POSTN: variants seen among roughly 807,000 people sequenced by gnomAD.
POSTN encodes osteoblast specific factor 2 (fasciclin I-like).
Under a neutral mutation model 104.5 loss-of-function variants are expected in POSTN, and 71 were observed. That is an observed-to-expected ratio of 0.68 (90% CI 0.56 to 0.83). The LOEUF (loss-of-function observed/expected upper bound fraction) is 0.83. Among genes scored for constraint, POSTN ranks in the 40% least tolerant of loss-of-function variants. The pLI, the probability that POSTN is intolerant of heterozygous loss-of-function variation, is 0.00. For missense variants in POSTN, 949 were observed against 1,006.8 expected (o/e 0.94, Z 0.78); for synonymous variants, 355 against 340.7 (o/e 1.04, Z -0.46).
chr13:37,568,975 CTTGT>C (rs1358315445), intron 21 of POSTN: 2 of 172,044 alleles, frequency 1.2e-5, no homozygotes, highest in African/African-American at 4.7e-5. Context: ...CAAATTTGGG[CTTGT>C]TTAACAGCTA....
At chr13:37,575,248 T>A (rs971389586) in intron 16 of POSTN, among the ~76,000 whole-genome samples, 1 of 151,874 alleles carries the variant, frequency 6.6e-6, no homozygotes, top group African/African-American at 2.4e-5. Flanking sequence ...GGCTAAAATG[T>A]CTTTAATTTT....
rs1949969094 is a variant in POSTN at position 37,562,768 on chromosome 13, CAAGAA to C, written c.*560_*564del. ...GTTTGAGATTAAAAAATATGCATTGCAAGAAGCATATGACAAACATTCTGAGAGTA... is the reference window on the plus strand; with the variant it reads ...GTTTGAGATTAAAAAATATGCATTGCGCATATGACAAACATTCTGAGAGTA... On this transcript the variant is annotated 3_prime_UTR_variant, in exon 23 of 23. Transcript: ENST00000379747. 6.6e-6 allele frequency: 1 copy of C among 151,974 alleles called. No individual in the cohort carries two copies. The allele number at this position is 151,974 out of a possible 1,614,324, so 9.4% of individuals were successfully genotyped here. A position where few individuals can be genotyped will look rare whatever the true frequency, so the allele number is the denominator to read the frequency against.
In POSTN at chr13:37,587,824, C is replaced by CA. The variant is rs751758544; in HGVS notation, c.603dup (p.Gly202TrpfsTer6). 1 of 1,582,600 alleles carries CA rather than the reference C, an allele frequency of 6.3e-7. No homozygotes were observed. On this transcript the variant is annotated frameshift_variant, in exon 5 of 23. Coordinates refer to ENST00000379747, the MANE Select transcript of POSTN (RefSeq NM_006475.3). LOFTEE classifies it high-confidence loss of function. ...TACTTTTTACTGATAAAACTTACCC[C>CA]ATTAGGATAATGGTTAATGAAAAGC...
intron 12 of POSTN, 83 bp from the exon 13 acceptor site, chr13:37,579,442 A>C: frequency 8.9e-7 from 1 of 1,119,044 alleles, no homozygotes; most frequent in African/African-American, 1.6e-5. Flanking sequence ...ATTAGTCTTT[A>C]TCTTTTTCCA....
Position 37,592,459 on chromosome 13 carries a change from T to C in POSTN, c.219-295A>G, listed in dbSNP as rs1334384412. Among the ~76,000 whole-genome samples, 9 of 152,042 alleles carry C rather than the reference T, an allele frequency of 5.9e-5. No homozygotes were observed. The South Asian group carries it at 6.2e-4, about 11-fold the overall frequency. ...GACTACAGGCGCCTACCACCACGCC[T>C]GGCTAATTTTTTGTATTTTTAGTAG... On this transcript the variant is annotated intron_variant, in intron 2 of 22. Coordinates refer to ENST00000379747, the MANE Select transcript of POSTN (RefSeq NM_006475.3).
chr13:37,590,588 A>G (rs1436547492), intron 3 of POSTN, 59 bp from the exon 4 acceptor site: 2 of 1,385,736 alleles, frequency 1.4e-6, no homozygotes, highest in Non-Finnish European at 9.7e-7. Flanking sequence ...TATTATTCAT[A>G]ATCATTTAAA....
intron 22 of POSTN, among the ~76,000 whole-genome samples, chr13:37,564,187 T>TTAC (rs1194514252): frequency 0.017 from 969 of 58,502 alleles, 3 homozygotes; most frequent in African/African-American, 0.021. Context: ...ATTACATATA[T>TTAC]ATATATATAT....
rs984770409 is a variant in POSTN at position 37,586,915 on chromosome 13, T to G, written c.620A>C (p.Asn207Thr). The change falls in exon 6 of 23, where the codon AAT becomes ACT. Residue 207 changes from asparagine (N) to threonine (T), a missense_variant. Transcript: ENST00000379747. ...NHYPNGVVTVNCARIIHGNQI... is the reference protein window; with the variant it reads ...NHYPNGVVTVTCARIIHGNQI... Reference sequence around the variant, plus strand: ...GTTCCCATGGATGATTCGAGCACAATTAACAGTGACAACCTATAATTATTT... The same window carrying G: ...GTTCCCATGGATGATTCGAGCACAAGTAACAGTGACAACCTATAATTATTT... The G allele has an allele frequency of 1.1e-5, 17 of 1,613,184 alleles. No homozygotes were observed. Among genetic ancestry groups the G allele is most frequent in the Admixed American group, 8.3e-5 (5 of 59,898 alleles).
chr13:37,579,948 G>A lies in POSTN; in HGVS notation c.1573C>T (p.Leu525=), dbSNP rs1218511203. 8 of 1,613,600 alleles carry A rather than the reference G, an allele frequency of 5.0e-6. No homozygotes were observed. Among genetic ancestry groups the A allele is most frequent in the Non-Finnish European group, 5.9e-6 (7 of 1,179,550 alleles). ...LLEAADLKEL[L]TQPGDWTLFV... Reference sequence around the variant, plus strand: ...AATGTCCAGTCTCCAGGTTGTGTCAGGAGCTCTTTCAAGTCTGCAGCTTCA... The same window carrying A: ...AATGTCCAGTCTCCAGGTTGTGTCAAGAGCTCTTTCAAGTCTGCAGCTTCA... The change falls in exon 12 of 23, where the codon CTG becomes TTG. Residue 525 remains leucine (L), a synonymous_variant. Transcript: ENST00000379747.
chr13:37,569,253 A>T, intron 21 of POSTN, 47 bp downstream of exon 21: 1 of 1,374,446 alleles, frequency 7.3e-7, no homozygotes, highest in Non-Finnish European at 1.0e-6. Flanking sequence ...AGTTGAACTC[A>T]GTCACTAGAA....
At chr13:37,570,066 C>T (rs1194342338) in intron 19 of POSTN, among the ~76,000 whole-genome samples, 3 of 151,874 alleles carry the variant, frequency 2.0e-5, no homozygotes, top group Non-Finnish European at 4.4e-5. Context: ...ATTGTTTAAA[C>T]AAATACTTAA....
intron 22 of POSTN, among the ~76,000 whole-genome samples, chr13:37,563,896 T>G (rs1439617079): frequency 1.3e-5 from 2 of 151,938 alleles, no homozygotes; most frequent in African/African-American, 2.4e-5. Flanking sequence ...CAAATGCACA[T>G]AGTGTAATTA....
Position 37,574,564 on chromosome 13 carries a change from A to AT in POSTN, c.2089+7dup. Reference sequence around the variant, plus strand: ...ATAAAAGGAACCATGTATAACATTGATTTTTACCTTCAGTTTTGATAATAG... The same window carrying AT: ...ATAAAAGGAACCATGTATAACATTGATTTTTTACCTTCAGTTTTGATAATAG... On this transcript the variant is annotated splice_region_variant and intron_variant, in intron 17 of 22. Coordinates refer to ENST00000379747, the MANE Select transcript of POSTN (RefSeq NM_006475.3). 3 of 1,589,250 alleles carry AT rather than the reference A, an allele frequency of 1.9e-6. No homozygotes were observed. The highest frequency in any genetic ancestry group is 1.7e-6 in the Non-Finnish European group (2 of 1,172,344).
intron 4 of POSTN, 54 bp from the exon 5 acceptor site, chr13:37,588,040 G>A: frequency 7.2e-7 from 1 of 1,390,002 alleles, no homozygotes. Flanking sequence ...ATTAGTAAAA[G>A]TCTTACGATC....
Position 37,563,156 on chromosome 13 carries a change from T to A in POSTN, c.*177A>T. The A allele has an allele frequency of 2.6e-6, 1 of 377,588 alleles. No individual in the cohort carries two copies. The allele number at this position is 377,588 out of a possible 1,614,324, so 23.4% of individuals were successfully genotyped here. A position where few individuals can be genotyped will look rare whatever the true frequency, so the allele number is the denominator to read the frequency against. On this transcript the variant is annotated 3_prime_UTR_variant, in exon 23 of 23. Coordinates refer to ENST00000379747, the MANE Select transcript of POSTN (RefSeq NM_006475.3). ...TTACCACAGGAGGCTAACTCCACAA[T>A]TTCCCTCATGTTTCTCATTCAGAAA...
At chr13:37,578,523 C>T (rs893648554) in intron 15 of POSTN, among the ~76,000 whole-genome samples, 3 of 152,016 alleles carry the variant, frequency 2.0e-5, no homozygotes, top group South Asian at 2.1e-4. Context: ...TTAGGCTAGG[C>T]GCGGTGGCTC....
chr13:37,564,295 G>A (rs1430100270), intron 22 of POSTN, among the ~76,000 whole-genome samples: 1 of 146,272 alleles, frequency 6.8e-6, no homozygotes, highest in East Asian at 2.0e-4. Flanking sequence ...ACATGAGTAT[G>A]TTGACCTTTC....
intron 3 of POSTN, 121 bp downstream of exon 3, chr13:37,591,979 G>GAT: frequency 1.7e-6 from 1 of 572,868 alleles, no homozygotes; most frequent in Admixed American, 3.2e-5. Flanking sequence ...AAATAGGAGG[G>GAT]ATATATCTTG....
At position 37,569,804 on chromosome 13, in the gene POSTN, T is replaced by C. The variant is rs766474815; in HGVS notation, c.2287A>G (p.Thr763Ala). The change falls in exon 20 of 23, where the codon ACT (threonine) becomes GCT (alanine). Residue 763 changes from threonine (T) to alanine (A), a missense_variant. Thr to Ala is a moderately conservative substitution (Grantham distance 58, BLOSUM62 0). Transcript: ENST00000379747. ...RIITGPEIKY[T>A]RISTGGGETE... ...TCTCCACCTCCAGTAGAAATCCTAG[T>C]GTATTTTATTTCAGGACCTATGAGA... 2 of 1,603,262 alleles carry C rather than the reference T, an allele frequency of 1.2e-6. No homozygotes were observed. Among genetic ancestry groups the C allele is most frequent in the African/African-American group, 1.3e-5 (1 of 74,580 alleles).
Sources: gnomAD v4.1 joint callset for allele counts (sites outside exome capture counted in the v4.1 genomes callset) on GRCh38, gnomAD v4.1.1 for gene constraint, MANE v1.5 for transcripts, NCBI Gene and HGNC (gene_info 2026-07-23, HGNC 2026-07-21) for gene names.